Variants in ADGRB3 observed in about 807,000 individuals in gnomAD.
The protein encoded by ADGRB3 is brain-specific angiogenesis inhibitor 3.
A neutral mutation model predicts 193.4 loss-of-function variants in ADGRB3; 37 were observed. That is an observed-to-expected ratio of 0.19 (90% CI 0.15 to 0.25). The LOEUF (loss-of-function observed/expected upper bound fraction) is 0.25, where lower values mean the gene tolerates loss of function less well. ADGRB3 is among the 10% of genes least tolerant of loss of function. The pLI is 1.00. For missense variants in ADGRB3, 1,637 were observed against 1,852.9 expected, an observed-to-expected ratio of 0.88 and a Z score of 2.14; for synonymous variants, 690 against 644.2, an observed-to-expected ratio of 1.07 and a Z score of -1.08.
intron 17 of ADGRB3, among the ~76,000 whole-genome samples, chr6:69,100,942 GAAGGA>G (rs1562159621): frequency 2.5e-4 from 1 of 3,992 alleles, no homozygotes; most frequent in Non-Finnish European, 6.3e-4. Flanking sequence ...GGGAGGGAAG[GAAGGA>G]AAGGAGGGAG....
intron 3 of ADGRB3, among the ~76,000 whole-genome samples, chr6:68,807,163 G>T (rs1767416084): frequency 6.7e-6 from 1 of 149,716 alleles, no homozygotes; most frequent in African/African-American, 2.5e-5. Flanking sequence ...TGAGATAATG[G>T]TTTTATTGAA....
intron 11 of ADGRB3, among the ~76,000 whole-genome samples, chr6:68,998,500 A>G (rs1468882792): frequency 2.0e-5 from 3 of 152,200 alleles, no homozygotes; most frequent in Admixed American, 1.3e-4. Flanking sequence ...ATCAACACCA[A>G]ATTCCATTAA....
intron 24 of ADGRB3, among the ~76,000 whole-genome samples, chr6:69,335,011 T>G (rs1357825278): frequency 1.3e-5 from 2 of 152,168 alleles, no homozygotes; most frequent in Non-Finnish European, 2.9e-5. Context: ...CTGAACAGAT[T>G]AGGTTGTTTT....
chr6:69,043,793 G>T (rs1188140770), intron 13 of ADGRB3, among the ~76,000 whole-genome samples: 1 of 152,156 alleles, frequency 6.6e-6, no homozygotes, highest in East Asian at 1.9e-4. Flanking sequence ...TTGCTCAGTC[G>T]CACAACTTAT....
chr6:68,826,611 G>A (rs376445412), intron 3 of ADGRB3, among the ~76,000 whole-genome samples: 1 of 152,162 alleles, frequency 6.6e-6, no homozygotes, highest in Admixed American at 6.5e-5. Context: ...TGGATGTTGT[G>A]TTGAGATAGA....
chr6:69,293,312 G>A (rs749259840), intron 20 of ADGRB3, among the ~76,000 whole-genome samples: 2 of 152,010 alleles, frequency 1.3e-5, no homozygotes, highest in Non-Finnish European at 2.9e-5. Context: ...TGGAGGGGAG[G>A]GTAGAGGTTC....
intron 17 of ADGRB3, among the ~76,000 whole-genome samples, chr6:69,175,306 G>A (rs1274803406): frequency 6.6e-6 from 1 of 152,116 alleles, no homozygotes; most frequent in East Asian, 1.9e-4. Context: ...ATCTTGAGTC[G>A]ATTTTTGTAT....
At chr6:69,383,406 A>G (rs1769992986) in intron 31 of ADGRB3, among the ~76,000 whole-genome samples, 2 of 151,972 alleles carry the variant, frequency 1.3e-5, no homozygotes. Flanking sequence ...ACACATCAAC[A>G]CTGGGGACTC....
chr6:69,096,012 T>G (rs1483964675), intron 17 of ADGRB3, among the ~76,000 whole-genome samples: 14 of 152,194 alleles, frequency 9.2e-5, no homozygotes, highest in Admixed American at 9.2e-4. Context: ...TAAAGACAAT[T>G]AAAAATCAGC....
At chr6:68,763,192 G>A (rs988864028) in intron 3 of ADGRB3, among the ~76,000 whole-genome samples, 3 of 152,066 alleles carry the variant, frequency 2.0e-5, no homozygotes, top group Non-Finnish European at 4.4e-5. Context: ...ACAGGGTCAA[G>A]CGATTCTCCT....
chr6:68,782,339 A>T (rs1448897389), intron 3 of ADGRB3, among the ~76,000 whole-genome samples: 1 of 151,712 alleles, frequency 6.6e-6, no homozygotes, highest in Admixed American at 6.6e-5. Context: ...TCCATGGTGT[A>T]TATGTGCCAC....
chr6:68,945,179 T>C (rs2150251790), intron 6 of ADGRB3, among the ~76,000 whole-genome samples: 1 of 152,296 alleles, frequency 6.6e-6, no homozygotes, highest in East Asian at 1.9e-4. Context: ...GAAGGACTAC[T>C]AGGTTCCTGT....
chr6:69,041,213 G>A (rs1771059080), intron 13 of ADGRB3, among the ~76,000 whole-genome samples: 2 of 152,166 alleles, frequency 1.3e-5, no homozygotes, highest in African/African-American at 4.8e-5. Context: ...AATAGATGAG[G>A]AGAGTAGGGT....
intron 20 of ADGRB3, among the ~76,000 whole-genome samples, chr6:69,253,126 C>T (rs1453824658): frequency 4.0e-5 from 6 of 151,792 alleles, no homozygotes; most frequent in African/African-American, 7.3e-5. Flanking sequence ...TGGATTTCTC[C>T]ATTGTTTCTG....
At chr6:68,773,289 T>G (rs1766675198) in intron 3 of ADGRB3, among the ~76,000 whole-genome samples, 1 of 152,126 alleles carries the variant, frequency 6.6e-6, no homozygotes. Context: ...CAAATCCAGC[T>G]CTTCTCACTG....
intron 17 of ADGRB3, among the ~76,000 whole-genome samples, chr6:69,184,085 G>A (rs1765014411): frequency 6.6e-6 from 1 of 152,116 alleles, no homozygotes; most frequent in African/African-American, 2.4e-5. Flanking sequence ...AACAAGGCTG[G>A]TGGCCATGAC....
intron 3 of ADGRB3, among the ~76,000 whole-genome samples, chr6:68,734,007 A>C (rs1044206217): frequency 2.3e-4 from 35 of 152,094 alleles, no homozygotes; most frequent in African/African-American, 8.2e-4. Flanking sequence ...TGCCTAAAAA[A>C]GTTTAAAAAT....
intron 10 of ADGRB3, among the ~76,000 whole-genome samples, chr6:68,990,544 T>C (rs1368814193): frequency 6.6e-6 from 1 of 152,126 alleles, no homozygotes; most frequent in African/African-American, 2.4e-5. Flanking sequence ...CAGATGGCAA[T>C]GACGTTAATT....
At chr6:68,724,391 G>T (rs1269977002) in intron 3 of ADGRB3, among the ~76,000 whole-genome samples, 3 of 151,650 alleles carry the variant, frequency 2.0e-5, no homozygotes, top group South Asian at 2.1e-4. Flanking sequence ...TCAATTGCAG[G>T]TCAGTTTCTA....
Sources: gnomAD v4.1 joint callset for allele counts (sites outside exome capture counted in the v4.1 genomes callset) on GRCh38, gnomAD v4.1.1 for gene constraint, MANE v1.5 for transcripts, NCBI Gene and HGNC (gene_info 2026-07-23, HGNC 2026-07-21) for gene names.